The following FOXRED2 variants were observed in gnomAD, a reference collection of about 807,000 sequenced individuals.
The protein encoded by FOXRED2 is FAD dependent oxidoreductase domain containing 2.
Under a neutral mutation model 52.5 loss-of-function variants are expected in FOXRED2, and 32 were observed. That is an observed-to-expected ratio of 0.61 (90% CI 0.46 to 0.82). The LOEUF (loss-of-function observed/expected upper bound fraction) is 0.82, where lower values mean the gene tolerates loss of function less well. FOXRED2 is among the 40% of genes least tolerant of loss of function. The pLI is 0.00. For synonymous variants in FOXRED2, 405 were observed against 398.1 expected (o/e 1.02, Z -0.21); for missense variants, 848 against 937.5 (o/e 0.90, Z 1.25).
chr22:36,506,521 A>G (rs939138802), intron 1 of FOXRED2, 98 bp from the exon 2 acceptor site: 8 of 1,206,756 alleles, frequency 6.6e-6, no homozygotes, highest in Admixed American at 6.2e-5. Context: ...TCTCACTGCA[A>G]TCTGGGTCAC....
chr22:36,505,585 G>A (rs1264212816), intron 2 of FOXRED2, among the ~76,000 whole-genome samples: 4 of 152,010 alleles, frequency 2.6e-5, no homozygotes, highest in Non-Finnish European at 5.9e-5. Flanking sequence ...CCTGGCCAAC[G>A]TCGTGAAATC....
chr22:36,492,766 CCTCGGCCTCCCAA>C (rs1337327308), intron 8 of FOXRED2, among the ~76,000 whole-genome samples: 1 of 152,204 alleles, frequency 6.6e-6, no homozygotes, highest in Non-Finnish European at 1.5e-5. Context: ...GATCCACCCA[CCTCGGCCTCCCAA>C]AGTGTTGAGA....
chr22:36,505,237 C>T (rs760075695), intron 2 of FOXRED2, among the ~76,000 whole-genome samples: 28 of 152,210 alleles, frequency 1.8e-4, no homozygotes, highest in Non-Finnish European at 2.6e-4. Context: ...CTTTCTGACT[C>T]CTCCAAGCAA....
rs772056513 is a variant in FOXRED2 at position 36,498,080 on chromosome 22, CT to C, written c.1292del (p.Gln431ArgfsTer2). On this transcript the variant is annotated frameshift_variant, in exon 6 of 9. Transcript: ENST00000397224. LOFTEE classifies it high-confidence loss of function. ...TWPATELPIT[Q>X]LTSSIVRRVN... ...CGCGCCGCACGATGGAGCTGGTCAG[CT>C]GTGTGATGGGGAGCTCAGTGGCGGG... is the stretch of plus-strand genomic sequence containing the variant. 1 of 1,613,994 alleles carries C rather than the reference CT, an allele frequency of 6.2e-7. No individual in the cohort carries two copies. The highest frequency in any genetic ancestry group is 1.1e-5 in the South Asian group (1 of 91,080).
At chr22:36,497,056 T>C (rs979968526) in intron 6 of FOXRED2, among the ~76,000 whole-genome samples, 2 of 152,190 alleles carry the variant, frequency 1.3e-5, no homozygotes, top group African/African-American at 4.8e-5. Flanking sequence ...GGCATGGGCC[T>C]GTAATCCCAG....
At position 36,493,590 on chromosome 22, in the gene FOXRED2, A is replaced by C. The variant is rs748568707; in HGVS notation, c.1795+43T>G. 1.9e-6 allele frequency: 3 copies of C among 1,577,356 alleles called. No individual in the cohort carries two copies. In the African/African-American group the frequency reaches 4.1e-5, roughly 21 times the overall value. The stretch of plus-strand genomic sequence containing the variant: ...CTTGGGTCTCTGTGACCTTTCTTCA[A>C]CCTGGAGCTCAGACCCTTTGTCTTT... On this transcript the variant is annotated intron_variant, in intron 8 of 8. Transcript: ENST00000397224.
At chr22:36,497,912 C>A (rs769093267) in intron 6 of FOXRED2, 79 bp downstream of exon 6, 77 of 1,487,414 alleles carry the variant, frequency 5.2e-5, no homozygotes, top group Non-Finnish European at 6.6e-5. Flanking sequence ...CACCTCACAC[C>A]TGGAATAGGA....
intron 4 of FOXRED2, among the ~76,000 whole-genome samples, chr22:36,502,250 C>T (rs997879301): frequency 1.3e-5 from 2 of 152,104 alleles, no homozygotes; most frequent in African/African-American, 2.4e-5. Context: ...TTTGGGAGGC[C>T]GATGGAAAGG....
chr22:36,505,768 C>T, intron 2 of FOXRED2, 128 bp downstream of exon 2: 1 of 1,003,748 alleles, frequency 1.0e-6, no homozygotes, highest in Non-Finnish European at 1.5e-6. Context: ...GAGACTCCGT[C>T]TTAAAAAAAA....
chr22:36,492,638 G>A (rs183738246), intron 8 of FOXRED2, among the ~76,000 whole-genome samples: 45 of 152,186 alleles, frequency 3.0e-4, no homozygotes, highest in African/African-American at 7.9e-4. Flanking sequence ...TCAGCCTCCC[G>A]AGTAGGTAGC....
At position 36,504,661 on chromosome 22, in the gene FOXRED2, A is replaced by G; in HGVS notation, c.633T>C (p.Phe211=). The part of the protein sequence containing the change: ...YESVSVDPED[F]VGQNVLILGR... The stretch of plus-strand genomic sequence containing the variant: ...CCAGGATCAGCACATTCTGGCCTAC[A>G]AAGTCCTCAGGGTCCACGGACACGG... Residue 211 remains phenylalanine (F), a synonymous_variant, in exon 3 of 9, where the codon TTT becomes TTC. Coordinates refer to ENST00000397224, the MANE Select transcript of FOXRED2 (RefSeq NM_001102371.2). 2.5e-6 allele frequency: 4 copies of G among 1,614,194 alleles called. No individual in the cohort carries two copies. Among genetic ancestry groups the G allele is most frequent in the African/African-American group, 1.3e-5 (1 of 75,064 alleles).
chr22:36,490,431 C>T (rs1470159189), intron 8 of FOXRED2, among the ~76,000 whole-genome samples, 164 bp from the exon 9 acceptor site: 1 of 152,240 alleles, frequency 6.6e-6, no homozygotes, highest in Non-Finnish European at 1.5e-5. Flanking sequence ...ATCTCACGTC[C>T]AACCTGAGTA....
At chr22:36,490,598 C>T (rs946961613) in intron 8 of FOXRED2, among the ~76,000 whole-genome samples, 5 of 152,238 alleles carry the variant, frequency 3.3e-5, no homozygotes, top group Non-Finnish European at 5.9e-5. Flanking sequence ...ACACTGGGGG[C>T]GGGGCTCCGA....
intron 2 of FOXRED2, among the ~76,000 whole-genome samples, chr22:36,505,377 C>T (rs1464186680): frequency 6.6e-6 from 1 of 152,240 alleles, no homozygotes; most frequent in Non-Finnish European, 1.5e-5. Flanking sequence ...AAGTCCTGCT[C>T]CTTCCATTGG....
rs145729577 is a variant in FOXRED2, at chr22:36,490,114, C to T, written c.1949G>A (p.Arg650His). 59 of 1,613,820 alleles carry T rather than the reference C, an allele frequency of 3.7e-5. No individual in the cohort carries two copies. The highest frequency in any genetic ancestry group is 1.3e-4 in the South Asian group (12 of 91,074). Reference protein sequence around the residue: ...LLRDYAPTGRRLEDSSQQLGD... With the variant: ...LLRDYAPTGRHLEDSSQQLGD... ...AAGCTGCTGGCTGCTGTCCTCCAGG[C>T]GCCTGCCTGTGGGGGCATAGTCCCG... Residue 650 changes from arginine to histidine, a missense_variant, in exon 9 of 9, where the codon CGC becomes CAC. Physicochemically the swap from Arg to His is conservative, Grantham distance 29. Coordinates refer to ENST00000397224, the MANE Select transcript of FOXRED2 (RefSeq NM_001102371.2).
At position 36,493,691 on chromosome 22, in the gene FOXRED2, T is replaced by C. The variant is rs747282570; in HGVS notation, c.1737A>G (p.Leu579=). ...TDWTAPIGHI[L]PLRRFLENCL... ...AGTTCTCCAGGAAGCGCCTCAGAGGTAGGATGTGCCCGATCGGGGCAGTCC... is the reference window on the plus strand; with the variant it reads ...AGTTCTCCAGGAAGCGCCTCAGAGGCAGGATGTGCCCGATCGGGGCAGTCC... The change falls in exon 8 of 9, where the codon CTA becomes CTG. Residue 579 remains leucine, a synonymous_variant. Coordinates refer to ENST00000397224, the MANE Select transcript of FOXRED2 (RefSeq NM_001102371.2). 4 of 1,614,142 alleles carry C rather than the reference T, an allele frequency of 2.5e-6. No homozygotes were observed. The highest frequency in any genetic ancestry group is 2.5e-6 in the Non-Finnish European group (3 of 1,180,000).
chr22:36,496,279 G>A, intron 6 of FOXRED2, 71 bp from the exon 7 acceptor site: 16 of 1,582,128 alleles, frequency 1.0e-5, no homozygotes, highest in Non-Finnish European at 1.4e-5. Flanking sequence ...CCGGGGGTGA[G>A]CATGTGTGTG....
At chr22:36,495,938 A>G (rs966230096) in intron 7 of FOXRED2, 29 bp downstream of exon 7, 1 of 1,608,600 alleles carries the variant, frequency 6.2e-7, no homozygotes, top group African/African-American at 1.3e-5. Flanking sequence ...AGGAGCCCAC[A>G]GGTTGGGGAA....
chr22:36,505,770 T>TAA (rs373218799), intron 2 of FOXRED2, 126 bp downstream of exon 2: 1,149 of 902,720 alleles, frequency 1.3e-3, no homozygotes, highest in East Asian at 1.6e-3. Flanking sequence ...GACTCCGTCT[T>TAA]AAAAAAAAAA....
Sources: gnomAD v4.1 joint callset for allele counts (sites outside exome capture counted in the v4.1 genomes callset) on GRCh38, gnomAD v4.1.1 for gene constraint, MANE v1.5 for transcripts, NCBI Gene and HGNC (gene_info 2026-07-23, HGNC 2026-07-21) for gene names.